MYT1L: variants seen among roughly 807,000 people sequenced by gnomAD.
MYT1L encodes myelin transcription factor 1-like protein.
In MYT1L, 12 loss-of-function variants were observed where a neutral mutation model predicts 126.7. That is an observed-to-expected ratio of 0.09 (90% CI 0.06 to 0.15). MYT1L has a LOEUF of 0.15. MYT1L is among the 10% of genes least tolerant of loss of function. MYT1L has a pLI of 1.00. For missense variants in MYT1L, 979 were observed against 1,585.2 expected, an observed-to-expected ratio of 0.62 and a Z score of 6.49; for synonymous variants, 541 against 604.2, an observed-to-expected ratio of 0.90 and a Z score of 1.53.
intron 1 of MYT1L, among the ~76,000 whole-genome samples, chr2:2,298,362 G>A (rs966151519): frequency 1.3e-5 from 2 of 152,162 alleles, no homozygotes; most frequent in Admixed American, 6.5e-5. Flanking sequence ...GAGACCATTC[G>A]ATGAAGCTTA....
intron 3 of MYT1L, among the ~76,000 whole-genome samples, chr2:2,074,148 T>C (rs1298467304): frequency 6.6e-6 from 1 of 152,252 alleles, no homozygotes; most frequent in South Asian, 2.1e-4. Context: ...TGTGGTTTAT[T>C]AGAAAACTTT....
intron 22 of MYT1L, among the ~76,000 whole-genome samples, chr2:1,804,037 G>C (rs1468567269): frequency 6.6e-6 from 1 of 152,210 alleles, no homozygotes; most frequent in African/African-American, 2.4e-5. Flanking sequence ...GACTGGCCCA[G>C]GAAGCAGTCC....
intron 8 of MYT1L, among the ~76,000 whole-genome samples, chr2:1,971,949 T>C (rs2059840416): frequency 6.6e-6 from 1 of 152,178 alleles, no homozygotes; most frequent in Admixed American, 6.5e-5. Context: ...AACTATGCCA[T>C]GCTATCAAAC....
chr2:1,818,777 G>A (rs2038080096), intron 21 of MYT1L, among the ~76,000 whole-genome samples: 1 of 152,232 alleles, frequency 6.6e-6, no homozygotes, highest in African/African-American at 2.4e-5. Flanking sequence ...TCAGTGGGAA[G>A]CAATGGCATC....
intron 2 of MYT1L, among the ~76,000 whole-genome samples, chr2:2,210,945 C>T (rs1394309545): frequency 1.3e-5 from 2 of 151,786 alleles, no homozygotes; most frequent in East Asian, 3.9e-4. Context: ...TATTTTACTT[C>T]TTTGGTTAAG....
rs1424851180 is a variant in MYT1L at position 1,887,641 on chromosome 2, G to T, written c.2521-32C>A. On this transcript the variant is annotated intron_variant, in intron 16 of 24. Transcript: ENST00000647738. This position sits in a 1 kb window ranked among gnomAD's most constrained non-coding sequence, Gnocchi z 4.8. ...GCAAAACACAGCTTCAGAGCCACAC[G>T]GATGATCACATGGCACACAGACTGA... The T allele has an allele frequency of 6.2e-7, 1 of 1,613,644 alleles. No individual in the cohort carries two copies. The highest frequency in any genetic ancestry group is 1.3e-5 in the African/African-American group (1 of 74,908).
chr2:2,022,999 T>A (rs1428675841), intron 4 of MYT1L, among the ~76,000 whole-genome samples: 1 of 152,212 alleles, frequency 6.6e-6, no homozygotes, highest in African/African-American at 2.4e-5. Context: ...TTCTTCACCA[T>A]CTAGGAAAGA....
chr2:1,839,451 G>C, intron 20 of MYT1L, 81 bp from the exon 21 acceptor site: 1 of 1,284,376 alleles, frequency 7.8e-7, no homozygotes, highest in South Asian at 1.4e-5. Context: ...AGAATAACCC[G>C]GCATGAAGAA....
At chr2:1,818,704 G>A (rs1438237846) in intron 21 of MYT1L, among the ~76,000 whole-genome samples, 1 of 152,174 alleles carries the variant, frequency 6.6e-6, no homozygotes, top group East Asian at 1.9e-4. Flanking sequence ...GGAAGGGCAG[G>A]AGGGTGTTCT....
intron 2 of MYT1L, among the ~76,000 whole-genome samples, chr2:2,195,379 G>T (rs1226889532): frequency 6.6e-6 from 1 of 152,208 alleles, no homozygotes; most frequent in Non-Finnish European, 1.5e-5. Flanking sequence ...GCTCTCACAG[G>T]TAATAAACCA....
intron 4 of MYT1L, among the ~76,000 whole-genome samples, chr2:2,000,478 C>A (rs2062257042): frequency 6.6e-6 from 1 of 152,148 alleles, no homozygotes; most frequent in African/African-American, 2.4e-5. Flanking sequence ...CAGAGCTTGA[C>A]AAGAAGAGTT....
At chr2:1,926,055 C>T (rs1047205000) in intron 9 of MYT1L, among the ~76,000 whole-genome samples, 1 of 152,304 alleles carries the variant, frequency 6.6e-6, no homozygotes, top group African/African-American at 2.4e-5. Context: ...AGCACAGAGC[C>T]TGCCGTGTGC....
chr2:1,912,289 T>C lies in MYT1L; in HGVS notation c.1619-179A>G, dbSNP rs540813719. Reference sequence around the variant, plus strand: ...AGGAGAAAGAAGGTTGACTGGACCCTACGGACCCTACACGAAAGGCCAGAG... The same window carrying C: ...AGGAGAAAGAAGGTTGACTGGACCCCACGGACCCTACACGAAAGGCCAGAG... On this transcript the variant is annotated intron_variant, in intron 11 of 24. Transcript: ENST00000647738. The surrounding 1 kb of genome is among the most constrained non-coding windows in gnomAD (Gnocchi z 4.3). 6.6e-6 allele frequency among the ~76,000 whole-genome samples: 1 copy of C among 151,698 alleles called. No homozygotes were observed. Among genetic ancestry groups the C allele is most frequent in the East Asian group, 2.0e-4 (1 of 5,102 alleles).
chr2:2,254,217 A>T (rs979560090), intron 2 of MYT1L, among the ~76,000 whole-genome samples: 15 of 152,242 alleles, frequency 9.9e-5, no homozygotes, highest in African/African-American at 3.6e-4. Context: ...ATAAGTAAGC[A>T]AATAATCTAC....
At chr2:2,271,165 T>C (rs1393758528) in intron 2 of MYT1L, among the ~76,000 whole-genome samples, 1 of 152,200 alleles carries the variant, frequency 6.6e-6, no homozygotes, top group African/African-American at 2.4e-5. Flanking sequence ...TGTTTTTCTC[T>C]GTCTCAACAG....
chr2:1,931,012 G>C (rs2054893549), intron 9 of MYT1L, among the ~76,000 whole-genome samples: 1 of 152,204 alleles, frequency 6.6e-6, no homozygotes, highest in Non-Finnish European at 1.5e-5. Context: ...TTTTGCCACT[G>C]TTTTTTCTGA....
intron 3 of MYT1L, among the ~76,000 whole-genome samples, chr2:2,070,174 C>A (rs1441324478): frequency 6.6e-6 from 1 of 152,012 alleles, no homozygotes; most frequent in Non-Finnish European, 1.5e-5. Flanking sequence ...ATAGGAAAAA[C>A]CTAATTTGAG....
chr2:2,300,346 T>C (rs1056504025), intron 1 of MYT1L, among the ~76,000 whole-genome samples: 1 of 152,214 alleles, frequency 6.6e-6, no homozygotes, highest in Non-Finnish European at 1.5e-5. Flanking sequence ...CTTTGTTTCA[T>C]AGAAAACAGT....
intron 18 of MYT1L, among the ~76,000 whole-genome samples, chr2:1,872,818 C>T (rs980085540): frequency 2.0e-5 from 3 of 152,204 alleles, no homozygotes; most frequent in African/African-American, 7.2e-5. Context: ...TTATTTTGGG[C>T]ACCACCAGGT....
Sources: gnomAD v4.1 joint callset for allele counts (sites outside exome capture counted in the v4.1 genomes callset) on GRCh38, gnomAD v4.1.1 for gene constraint, Gnocchi (gnomAD v3.1) non-coding constraint, MANE v1.5 for transcripts, NCBI Gene and HGNC (gene_info 2026-07-23, HGNC 2026-07-21) for gene names.